Variants in XRCC5 observed in about 807,000 individuals in gnomAD.
The protein encoded by XRCC5 is DNA repair protein Ku80.
XRCC5 carries 12 observed loss-of-function variants against 95.7 expected under a neutral mutation model. The observed-to-expected ratio is 0.13, with a 90% confidence interval of 0.08 to 0.20. The LOEUF is 0.20. XRCC5 is among the 10% of genes least tolerant of loss of function. The pLI, the probability that XRCC5 is intolerant of heterozygous loss-of-function variation, is 1.00. For missense variants in XRCC5, 595 were observed against 873.9 expected (o/e 0.68, Z 4.02); for synonymous variants, 281 against 290.3 (o/e 0.97, Z 0.33).
At chr2:216,183,653 T>C (rs932526103) in intron 16 of XRCC5, among the ~76,000 whole-genome samples, 4 of 152,200 alleles carry the variant, frequency 2.6e-5, no homozygotes, top group Non-Finnish European at 5.9e-5. Flanking sequence ...TACTGATTTT[T>C]CTGTTCTGAA....
chr2:216,127,527 G>T lies in XRCC5; in HGVS notation c.799-9G>T. On this transcript the variant is annotated splice_polypyrimidine_tract_variant and intron_variant, in intron 7 of 20. Transcript: ENST00000392132. ...TTCCTTGTTTTCCCTTTGTGTTTTG[G>T]AATGTAAGATTCTACAGGAGAGAGT... 3 of 1,580,236 alleles carry T rather than the reference G, an allele frequency of 1.9e-6. No individual in the cohort carries two copies. In the South Asian group the frequency reaches 3.5e-5, roughly 19 times the overall value.
chr2:216,122,972 A>G lies in XRCC5; in HGVS notation c.683+719A>G, dbSNP rs529568320. Among the ~76,000 whole-genome samples, 4 of 152,346 alleles carry G rather than the reference A, an allele frequency of 2.6e-5. No homozygotes were observed. The South Asian group carries it at 8.3e-4, about 32-fold the overall frequency. On this transcript the variant is annotated intron_variant, in intron 6 of 20. Coordinates refer to ENST00000392132, the MANE Select transcript of XRCC5 (RefSeq NM_021141.4). ...ATTGGACATACATGCATTTTGAGCAAAGAACCTAAGAAGAATCGGTGGCAT... is the reference window on the plus strand; with the variant it reads ...ATTGGACATACATGCATTTTGAGCAGAGAACCTAAGAAGAATCGGTGGCAT...
At chr2:216,121,215 TCA>T (rs1696803435) in intron 5 of XRCC5, among the ~76,000 whole-genome samples, 1 of 152,244 alleles carries the variant, frequency 6.6e-6, no homozygotes, top group Non-Finnish European at 1.5e-5. Context: ...ACCCTGTGTC[TCA>T]CACTTTCCTC....
At chr2:216,117,935 G>A (rs1696731508) in intron 4 of XRCC5, 141 bp downstream of exon 4, 1 of 858,926 alleles carries the variant, frequency 1.2e-6, no homozygotes, top group Non-Finnish European at 1.9e-6. Flanking sequence ...AGAATTGAAT[G>A]GTTCAGTCCA....
intron 1 of XRCC5, 143 bp downstream of exon 1, chr2:216,109,600 G>C (rs1696548235): frequency 8.0e-7 from 1 of 1,252,488 alleles, no homozygotes; most frequent in African/African-American, 1.5e-5. Context: ...CAGGAGGGCC[G>C]GGACCGAGGG....
chr2:216,132,318 CTT>C lies in XRCC5; in HGVS notation c.1051-6_1051-5del, dbSNP rs755882760. ...GGATCAAAAGCAATTCTTTTCCTCT[CTT>C]GTAGGTTCAGAGAAGATTCTTCATG... On this transcript the variant is annotated splice_region_variant and splice_polypyrimidine_tract_variant and intron_variant, in intron 9 of 20. Coordinates refer to ENST00000392132, the MANE Select transcript of XRCC5 (RefSeq NM_021141.4). 11 of 1,613,576 alleles carry C rather than the reference CTT, an allele frequency of 6.8e-6. No homozygotes were observed. The highest frequency in any genetic ancestry group is 2.2e-5 in the South Asian group (2 of 91,048).
rs1553571297 is a variant in XRCC5 at position 216,137,056 on chromosome 2, A to G, written c.1114-32A>G. Reference sequence around the variant, plus strand: ...TGTTGTGAAAACTCTCACATGTTGAATATGTGTTAATACATCCATCTTTCT... The same window carrying G: ...TGTTGTGAAAACTCTCACATGTTGAGTATGTGTTAATACATCCATCTTTCT... On this transcript the variant is annotated intron_variant, in intron 10 of 20. Coordinates refer to ENST00000392132, the MANE Select transcript of XRCC5 (RefSeq NM_021141.4). 6 of 1,599,056 alleles carry G rather than the reference A, an allele frequency of 3.8e-6. No homozygotes were observed. In the South Asian group the frequency reaches 4.6e-5, roughly 12 times the overall value.
At chr2:216,109,764 C>A (rs1465956724) in intron 1 of XRCC5, among the ~76,000 whole-genome samples, 1 of 150,722 alleles carries the variant, frequency 6.6e-6, no homozygotes, top group Non-Finnish European at 1.5e-5. Flanking sequence ...TCCCCTCTCT[C>A]TCTCTTTATC....
At position 216,130,876 on chromosome 2, in the gene XRCC5, G is replaced by T. The variant is rs200803383; in HGVS notation, c.939G>T (p.Gly313=). The change falls in exon 9 of 21, where the codon GGG becomes GGT. Residue 313 remains glycine, a splice_region_variant and synonymous_variant. Coordinates refer to ENST00000392132, the MANE Select transcript of XRCC5 (RefSeq NM_021141.4). The part of the protein sequence containing the change: ...TEVLKEDIIQ[G]FRYGSDIVPF... ...AGATGCTCTTCTCTTTTTCTCCAGG[G>T]TTCCGCTATGGAAGTGATATAGTTC... 255 of 1,601,708 alleles carry T rather than the reference G, an allele frequency of 1.6e-4. No homozygotes were observed. The Admixed American group carries it at 4.4e-3, about 28-fold the overall frequency.
At chr2:216,190,096 G>A in intron 16 of XRCC5, 129 bp from the exon 17 acceptor site, 4 of 628,146 alleles carry the variant, frequency 6.4e-6, no homozygotes, top group African/African-American at 1.8e-5. Context: ...CCTAAAAGAA[G>A]TATGGCAATT....
chr2:216,160,927 C>T (rs1428807209), intron 15 of XRCC5, among the ~76,000 whole-genome samples: 1 of 152,016 alleles, frequency 6.6e-6, no homozygotes, highest in Non-Finnish European at 1.5e-5. Flanking sequence ...CTCCTGGGCT[C>T]AAGCAATCCT....
intron 12 of XRCC5, among the ~76,000 whole-genome samples, chr2:216,140,554 G>A (rs1412162219): frequency 2.0e-5 from 3 of 152,158 alleles, no homozygotes; most frequent in South Asian, 2.1e-4. Context: ...AGAGGATGTC[G>A]TATTTCTGCT....
chr2:216,126,118 T>A (rs530003157), intron 7 of XRCC5, 87 bp downstream of exon 7: 3 of 1,039,674 alleles, frequency 2.9e-6, no homozygotes, highest in Non-Finnish European at 4.3e-6. Flanking sequence ...ATGTGTGTGT[T>A]ACTCGGAACC....
chr2:216,173,833 C>T (rs1346505369), intron 16 of XRCC5, among the ~76,000 whole-genome samples: 2 of 152,172 alleles, frequency 1.3e-5, no homozygotes, highest in African/African-American at 2.4e-5. Context: ...GGGTGGTCTC[C>T]TCCAGCTGCC....
At chr2:216,156,362 T>TG in intron 14 of XRCC5, 1 of 710,020 alleles carries the variant, frequency 1.4e-6, no homozygotes, top group Non-Finnish European at 2.6e-6. Flanking sequence ...TCTGCTGTTG[T>TG]GGGGTCTTTG....
intron 8 of XRCC5, 136 bp downstream of exon 8, chr2:216,127,810 A>T: frequency 9.9e-7 from 1 of 1,013,752 alleles, no homozygotes; most frequent in Non-Finnish European, 1.4e-6. Context: ...TGAAAGGATA[A>T]TGAGACCCTA....
At chr2:216,134,791 T>G (rs1406706422) in intron 10 of XRCC5, among the ~76,000 whole-genome samples, 3 of 151,974 alleles carry the variant, frequency 2.0e-5, no homozygotes, top group African/African-American at 7.2e-5. Context: ...AAATAAAAAC[T>G]TCAAACAAAT....
intron 16 of XRCC5, among the ~76,000 whole-genome samples, chr2:216,186,732 G>A (rs1310407543): frequency 6.6e-6 from 1 of 152,102 alleles, no homozygotes; most frequent in African/African-American, 2.4e-5. Flanking sequence ...AATTATAATT[G>A]GGGCTGTGAT....
intron 16 of XRCC5, among the ~76,000 whole-genome samples, chr2:216,177,449 A>G (rs138232532): frequency 6.6e-6 from 1 of 152,310 alleles, no homozygotes; most frequent in Non-Finnish European, 1.5e-5. Context: ...GTCTTCAGGT[A>G]TTGGCATTTT....
Sources: gnomAD v4.1 joint callset for allele counts (sites outside exome capture counted in the v4.1 genomes callset) on GRCh38, gnomAD v4.1.1 for gene constraint, MANE v1.5 for transcripts, NCBI Gene and HGNC (gene_info 2026-07-23, HGNC 2026-07-21) for gene names.